SLC1A6: variants seen among roughly 807,000 people sequenced by gnomAD.
The protein encoded by SLC1A6 is excitatory amino acid transporter 4.
Under a neutral mutation model 42.1 loss-of-function variants are expected in SLC1A6, and 15 were observed. The ratio of observed to expected loss-of-function variants is 0.36; its 90% confidence interval spans 0.24 to 0.55. The LOEUF is 0.55. Ranked by LOEUF, SLC1A6 falls within the 20% of genes least tolerant of loss-of-function variation. SLC1A6 has a pLI of 0.88. For synonymous variants in SLC1A6, 317 were observed against 319.7 expected (o/e 0.99, Z 0.09); for missense variants, 542 against 772.5 (o/e 0.70, Z 3.54).
Position 14,953,506 on chromosome 19 carries a change from C to T in SLC1A6, c.1365-444G>A, listed in dbSNP as rs375078237. Reference sequence around the variant, plus strand: ...CCTCGAACTCCTGATCCACCCACCTCGGCCTCCCAAAGTGCCAGAATTACA... The same window carrying T: ...CCTCGAACTCCTGATCCACCCACCTTGGCCTCCCAAAGTGCCAGAATTACA... On this transcript the variant is annotated intron_variant, in intron 8 of 9. Coordinates refer to ENST00000594383, the MANE Select transcript of SLC1A6 (RefSeq NM_005071.3). 6.2e-4 allele frequency among the ~76,000 whole-genome samples: 95 copies of T among 152,052 alleles called. 2 individuals are homozygous for T. The South Asian group carries it at 0.019, about 30-fold the overall frequency.
chr19:14,962,172 C>G lies in SLC1A6; in HGVS notation c.765G>C (p.Glu255Asp). 1 of 1,614,222 alleles carries G rather than the reference C, an allele frequency of 6.2e-7. No individual in the cohort carries two copies. Among genetic ancestry groups the G allele is most frequent in the Non-Finnish European group, 8.5e-7 (1 of 1,180,038 alleles). The change falls in exon 6 of 10, where the codon GAG becomes GAC. Residue 255 changes from glutamate to aspartate, a missense_variant. Transcript: ENST00000594383. ...TGGCGGAGCCAGGCACGGGTACAGT[C>G]TCCTCAAAGCTCAGCATCTCCTGCA... ...GTLQEMLSFEETVPVPGSANG... is the reference protein window; with the variant it reads ...GTLQEMLSFEDTVPVPGSANG...
chr19:15,002,964 A>ATTTTGTTGTTGT (rs55727450), intron 1 of SLC1A6, among the ~76,000 whole-genome samples: 153 of 150,930 alleles, frequency 1.0e-3, no homozygotes, highest in Admixed American at 1.8e-3. Context: ...TTTTTGTGGG[A>ATTTTGTTGTTGT]TGTTGTTGTT....
rs1451214450 is a variant in SLC1A6, at chr19:14,979,433, C to T, written c.-132G>A. ...CGCCCCACACGCCTGACCCCAGCGC[C>T]TCGGATCCCCCACCTGCCCGCAACC... On this transcript the variant is annotated 5_prime_UTR_variant, in exon 1 of 10. Transcript: ENST00000594383. The surrounding 1 kb of genome is among the most constrained non-coding windows in gnomAD (Gnocchi z 4.2). 6.6e-6 allele frequency: 1 copy of T among 152,182 alleles called. No individual in the cohort carries two copies. 9.4% of individuals were successfully genotyped at this position (152,182 alleles called of 1,614,324 possible).
In SLC1A6 at chr19:14,952,954, C is replaced by T. The variant is rs749778818; in HGVS notation, c.1473G>A (p.Thr491=). ...GGAACCAGTCCACGGCAATGATGAG[C>T]GTGATGTCTTCCGTGGGCAAGCCGA... ...TSVGLPTEDI[T]LIIAVDWFLD... The change falls in exon 9 of 10, where the codon ACG becomes ACA. Residue 491 remains threonine, a synonymous_variant. Transcript: ENST00000594383. 8 of 1,613,858 alleles carry T rather than the reference C, an allele frequency of 5.0e-6. No homozygotes were observed. The highest frequency in any genetic ancestry group is 3.3e-5 in the Admixed American group (2 of 59,990).
chr19:14,955,391 G>A (rs1268653151), intron 7 of SLC1A6, among the ~76,000 whole-genome samples: 1 of 151,940 alleles, frequency 6.6e-6, no homozygotes, highest in Non-Finnish European at 1.5e-5. Flanking sequence ...ACAAGCCATA[G>A]CCAACATGGC....
chr19:15,006,797 T>C (rs2045898053), intron 1 of SLC1A6, among the ~76,000 whole-genome samples: 1 of 150,646 alleles, frequency 6.6e-6, no homozygotes, highest in Admixed American at 6.6e-5. Flanking sequence ...AAAGAAAATT[T>C]AAAAATAAGC....
chr19:15,003,166 T>C (rs113974969), intron 1 of SLC1A6, among the ~76,000 whole-genome samples: 2,762 of 152,146 alleles, frequency 0.018, 99 homozygotes, highest in African/African-American at 0.064. Context: ...TTTGTACAGA[T>C]GGGGTTTCAC....
intron 1 of SLC1A6, among the ~76,000 whole-genome samples, chr19:14,992,851 C>G (rs1466461023): frequency 6.6e-6 from 1 of 152,158 alleles, no homozygotes; most frequent in Non-Finnish European, 1.5e-5. Context: ...TGAACACGAG[C>G]TGAGCCAAGA....
chr19:14,972,080 G>A (rs1403003399), intron 2 of SLC1A6, among the ~76,000 whole-genome samples: 4 of 144,908 alleles, frequency 2.8e-5, no homozygotes, highest in African/African-American at 1.2e-4. Flanking sequence ...TTGTGTAAAT[G>A]TGTGTCCGTG....
intron 1 of SLC1A6, among the ~76,000 whole-genome samples, chr19:15,008,159 T>C (rs2045905667): frequency 6.6e-6 from 1 of 151,936 alleles, no homozygotes; most frequent in African/African-American, 2.4e-5. Context: ...GCCTGGGCAA[T>C]GTTAGCAAGA....
chr19:14,951,078 C>CAAAAAAAAAAAAAAAAA (rs59828742), intron 9 of SLC1A6, among the ~76,000 whole-genome samples: 1 of 79,806 alleles, frequency 1.3e-5, no homozygotes, highest in Non-Finnish European at 2.3e-5. Context: ...ACTAAAAATA[C>CAAAAAAAAAAAAAAAAA]AAAAAAAAAA....
In SLC1A6 at chr19:14,961,991, C is replaced by T; in HGVS notation, c.935+11G>A. The T allele has an allele frequency of 6.2e-7, 1 of 1,609,958 alleles. No individual in the cohort carries two copies. The highest frequency in any genetic ancestry group is 8.5e-7 in the Non-Finnish European group (1 of 1,177,874). On this transcript the variant is annotated intron_variant, in intron 6 of 9. Coordinates refer to ENST00000594383, the MANE Select transcript of SLC1A6 (RefSeq NM_005071.3). Reference sequence around the variant, plus strand: ...GGCTCCACCATCCCGTGGGCACAGACCAGGACTCACCAGATAATGATGCCC... The same window carrying T: ...GGCTCCACCATCCCGTGGGCACAGATCAGGACTCACCAGATAATGATGCCC...
intron 1 of SLC1A6, among the ~76,000 whole-genome samples, chr19:14,997,670 A>G (rs1050908251): frequency 3.9e-5 from 6 of 152,176 alleles, no homozygotes; most frequent in Admixed American, 3.9e-4. Context: ...CAGGCCAGGA[A>G]TAGGCAGGGG....
chr19:14,954,338 A>G lies in SLC1A6; in HGVS notation c.1170-9T>C. On this transcript the variant is annotated splice_polypyrimidine_tract_variant and intron_variant, in intron 7 of 9. Transcript: ENST00000594383. ...TGGGCAGCGTTGCCGAGCTGGGGGA[A>G]AGAGCCCAGGACTGAGGATGGGGCG... is the stretch of plus-strand genomic sequence containing the variant. 6.2e-7 allele frequency: 1 copy of G among 1,604,256 alleles called. No homozygotes were observed. Among genetic ancestry groups the G allele is most frequent in the South Asian group, 1.1e-5 (1 of 91,030 alleles).
At chr19:14,951,393 C>G (rs1209095479) in intron 9 of SLC1A6, among the ~76,000 whole-genome samples, 1 of 151,704 alleles carries the variant, frequency 6.6e-6, no homozygotes, top group Non-Finnish European at 1.5e-5. Context: ...CAGGTGTAGA[C>G]TAGGGCAGGC....
intron 1 of SLC1A6, among the ~76,000 whole-genome samples, chr19:14,993,645 G>A (rs139136096): frequency 6.6e-6 from 1 of 152,190 alleles, no homozygotes; most frequent in Non-Finnish European, 1.5e-5. Flanking sequence ...ACCAAGACAA[G>A]AGTGAGTTTT....
At chr19:14,964,594 G>T (rs927850235) in intron 4 of SLC1A6, among the ~76,000 whole-genome samples, 1 of 152,114 alleles carries the variant, frequency 6.6e-6, no homozygotes, top group Admixed American at 6.6e-5. Flanking sequence ...ACAGCCCAGA[G>T]AATTGATGTA....
upstream of SLC1A6, among the ~76,000 whole-genome samples, chr19:14,984,239 G>A (rs924723637): frequency 1.3e-5 from 2 of 152,132 alleles, no homozygotes; most frequent in African/African-American, 2.4e-5. Flanking sequence ...AACCCAGGAG[G>A]CGGAAGTTGC....
At chr19:15,007,318 T>G (rs1402937388) in intron 1 of SLC1A6, among the ~76,000 whole-genome samples, 1 of 152,144 alleles carries the variant, frequency 6.6e-6, no homozygotes, top group African/African-American at 2.4e-5. Context: ...TCCATTGACA[T>G]GAAATGTCCA....
Sources: allele counts gnomAD v4.1 joint callset (sites outside exome capture counted in the v4.1 genomes callset), GRCh38; gene constraint gnomAD v4.1.1; non-coding constraint Gnocchi (gnomAD v3.1); transcripts MANE v1.5; gene names NCBI Gene and HGNC (gene_info 2026-07-23, HGNC 2026-07-21).